The following CARMIL1 variants were observed in gnomAD, a reference collection of about 807,000 sequenced individuals.
The protein encoded by CARMIL1 is capping protein regulator and myosin 1 linker 1, also known as F-actin-uncapping protein LRRC16A.
In CARMIL1, 90 loss-of-function variants were observed where a neutral mutation model predicts 177.1. That is an observed-to-expected ratio of 0.51 (90% CI 0.43 to 0.61). The LOEUF (loss-of-function observed/expected upper bound fraction) is 0.61. Ranked by LOEUF, CARMIL1 falls within the 20% of genes least tolerant of loss-of-function variation. CARMIL1 has a pLI of 0.00. For missense variants in CARMIL1, 1,380 were observed against 1,667.0 expected (o/e 0.83, Z 3.00); for synonymous variants, 577 against 606.2 (o/e 0.95, Z 0.71).
intron 26 of CARMIL1, among the ~76,000 whole-genome samples, chr6:25,549,652 C>T (rs1809875835): frequency 1.3e-5 from 2 of 152,310 alleles, no homozygotes; most frequent in South Asian, 4.1e-4. Flanking sequence ...GCTGCTCACA[C>T]TGCAGTGCAA....
chr6:25,375,894 T>C (rs1008399114), intron 2 of CARMIL1, among the ~76,000 whole-genome samples: 4 of 152,210 alleles, frequency 2.6e-5, no homozygotes, highest in Non-Finnish European at 5.9e-5. Context: ...CTGTGAATTG[T>C]TTTTTCAATT....
rs1399500301 is a variant in CARMIL1 at position 25,495,207 on chromosome 6, G to A, written c.1317G>A (p.Glu439=). ...INLSGTKLSP[E]PLKALLLGLA... Reference sequence around the variant, plus strand: ...TTTCAGGCACAAAACTGTCTCCTGAGCCCTTAAAGTGAGTGGTTAATTCAC... The same window carrying A: ...TTTCAGGCACAAAACTGTCTCCTGAACCCTTAAAGTGAGTGGTTAATTCAC... Residue 439 remains glutamate (E), a synonymous_variant, in exon 16 of 37, where the codon GAG becomes GAA. Transcript: ENST00000329474. 6.2e-7 allele frequency: 1 copy of A among 1,605,686 alleles called. No homozygotes were observed. The highest frequency in any genetic ancestry group is 8.5e-7 in the Non-Finnish European group (1 of 1,175,628).
In CARMIL1 at chr6:25,472,468, C is replaced by T. The variant is rs1336731911; in HGVS notation, c.821C>T (p.Pro274Leu). 1 of 1,583,574 alleles carries T rather than the reference C, an allele frequency of 6.3e-7. No individual in the cohort carries two copies. Among genetic ancestry groups the T allele is most frequent in the Non-Finnish European group, 8.6e-7 (1 of 1,164,048 alleles). The change falls in exon 11 of 37, where the codon CCC becomes CTC. Residue 274 changes from proline (P) to leucine (L), a missense_variant. By Grantham distance (98) the Pro-to-Leu change is moderately conservative. Coordinates refer to ENST00000329474, the MANE Select transcript of CARMIL1 (RefSeq NM_017640.6). ...CTGGCCAGTGCTCTAGCACATAATC[C>T]CAACTCAGGACTCCACACAATTAAC... ...QKLASALAHN[P>L]NSGLHTINLA...
At chr6:25,357,388 C>G (rs1047047933) in intron 2 of CARMIL1, among the ~76,000 whole-genome samples, 4 of 152,062 alleles carry the variant, frequency 2.6e-5, no homozygotes, top group African/African-American at 9.7e-5. Flanking sequence ...TCGAGACCAC[C>G]CTGGCCAACA....
rs375496799 is a variant in CARMIL1 at position 25,520,253 on chromosome 6, A to G, written c.1884A>G (p.Thr628=). The stretch of plus-strand genomic sequence containing the variant: ...TTTCTCCTTTTTCTAGGAACTACAC[A>G]TTAAGATTTATGCCAATTCCTATGT... ...DIAVAMEKNY[T]LRFMPIPMYD... is the part of the protein sequence containing the mutation. The change falls in exon 23 of 37, where the codon ACA becomes ACG. Residue 628 remains threonine, a synonymous_variant. Coordinates refer to ENST00000329474, the MANE Select transcript of CARMIL1 (RefSeq NM_017640.6). The G allele has an allele frequency of 4.6e-6, 7 of 1,522,976 alleles. No individual in the cohort carries two copies. Among genetic ancestry groups the G allele is most frequent in the South Asian group, 1.2e-5 (1 of 81,478 alleles). The allele number at this position is 1,522,976 out of a possible 1,614,324, so 94.3% of individuals were successfully genotyped here. A position where few individuals can be genotyped will look rare whatever the true frequency, so the allele number is the denominator to read the frequency against.
chr6:25,558,850 A>G lies in CARMIL1; in HGVS notation c.2742+2000A>G, dbSNP rs1286266059. On this transcript the variant is annotated intron_variant, in intron 29 of 36. Transcript: ENST00000329474. The surrounding 1 kb of genome is among the most constrained non-coding windows in gnomAD (Gnocchi z 4.1). ...AGAAACACAAGAGCTCTTCATCAAA[A>G]AAAGAATATATAGGTAGGCATGAGT... Among the ~76,000 whole-genome samples, 1 of 152,164 alleles carries G rather than the reference A, an allele frequency of 6.6e-6. No homozygotes were observed. The highest frequency in any genetic ancestry group is 1.5e-5 in the Non-Finnish European group (1 of 68,028).
chr6:25,307,499 T>C (rs1045478778), intron 2 of CARMIL1, among the ~76,000 whole-genome samples: 3 of 152,216 alleles, frequency 2.0e-5, no homozygotes, highest in African/African-American at 7.2e-5. Context: ...TATTCTAAAG[T>C]ATTATTTTTA....
rs5875025 is a variant in CARMIL1 at position 25,296,935 on chromosome 6, T to TTAACTAAC, written c.138+12050_138+12057dup. Among the ~76,000 whole-genome samples the TTAACTAAC allele has an allele frequency of 3.4e-3, 463 of 136,436 alleles. 1 individual carries two copies. Among genetic ancestry groups the TTAACTAAC allele is most frequent in the East Asian group, 0.023 (110 of 4,728 alleles). The allele number at this position is 136,436 out of a possible 152,430, so 89.5% of individuals were successfully genotyped here. The stretch of plus-strand genomic sequence containing the variant: ...TATCTATCTATCTATCTATCTATCT[T>TTAACTAAC]TAACTAACTAACTAACTAACTAACT... On this transcript the variant is annotated intron_variant, in intron 2 of 36. Transcript: ENST00000329474.
chr6:25,521,433 T>C (rs1322430164), intron 23 of CARMIL1, among the ~76,000 whole-genome samples: 3 of 152,234 alleles, frequency 2.0e-5, no homozygotes, highest in Non-Finnish European at 2.9e-5. Context: ...GAGCAGCCTC[T>C]GTACCCTGGC....
Position 25,414,111 on chromosome 6 carries a change from A to G in CARMIL1, c.139-6003A>G, listed in dbSNP as rs141300990. On this transcript the variant is annotated intron_variant, in intron 2 of 36. Transcript: ENST00000329474. The stretch of plus-strand genomic sequence containing the variant: ...TATCTTATTTAATCCACACAACAGT[A>G]ACAGTCCTGCAGAGGAATATTCTTG... 9.7e-3 allele frequency among the ~76,000 whole-genome samples: 1,475 copies of G among 152,312 alleles called. 27 individuals carry two copies. The highest frequency in any genetic ancestry group is 0.033 in the African/African-American group (1,386 of 41,564).
chr6:25,606,444 C>T (rs742130), intron 35 of CARMIL1, among the ~76,000 whole-genome samples, 171 bp downstream of exon 35: 20,498 of 152,118 alleles, frequency 0.13, 1,771 homozygotes, highest in South Asian at 0.19. Context: ...TGAGAGCTGA[C>T]GGATTCTTTT....
At chr6:25,321,026 T>C (rs974501807) in intron 2 of CARMIL1, among the ~76,000 whole-genome samples, 1 of 152,198 alleles carries the variant, frequency 6.6e-6, no homozygotes, top group Non-Finnish European at 1.5e-5. Flanking sequence ...ATCTAGACTG[T>C]TCTGAACTAC....
chr6:25,323,095 G>T (rs930919821), intron 2 of CARMIL1, among the ~76,000 whole-genome samples: 31 of 152,186 alleles, frequency 2.0e-4, no homozygotes, highest in African/African-American at 6.5e-4. Context: ...CATTTGGAAG[G>T]TTTCTCTCTC....
chr6:25,544,404 T>TA (rs35493218), intron 26 of CARMIL1, among the ~76,000 whole-genome samples: 2 of 151,702 alleles, frequency 1.3e-5, no homozygotes, highest in East Asian at 3.9e-4. Flanking sequence ...GCTCTTTTTT[T>TA]AAAAAAAGAC....
intron 1 of CARMIL1, among the ~76,000 whole-genome samples, chr6:25,281,500 G>A (rs1781115149): frequency 6.6e-6 from 1 of 152,026 alleles, no homozygotes. Flanking sequence ...TGGAAATAAG[G>A]TGTCTGGGTT....
At chr6:25,390,565 G>C (rs1344940912) in intron 2 of CARMIL1, among the ~76,000 whole-genome samples, 1 of 151,498 alleles carries the variant, frequency 6.6e-6, no homozygotes, top group African/African-American at 2.4e-5. Context: ...CAAGCAATCT[G>C]CCTGCCTCAG....
intron 2 of CARMIL1, among the ~76,000 whole-genome samples, chr6:25,302,145 C>T (rs1399170968): frequency 3.3e-5 from 5 of 152,166 alleles, no homozygotes; most frequent in Admixed American, 3.3e-4. Flanking sequence ...TCGGCACTGA[C>T]CCTATCCAGT....
At chr6:25,520,376 A>G in intron 23 of CARMIL1, 39 bp downstream of exon 23, 1 of 1,110,664 alleles carries the variant, frequency 9.0e-7, no homozygotes, top group Non-Finnish European at 1.3e-6. Flanking sequence ...AGAAATTCAC[A>G]TTTGAATTGT....
rs1372538721 is a variant in CARMIL1, at chr6:25,556,551, AC to A, written c.2593-149del. ...GAAAGATAATAAAAGGAGGTAAGTT[AC>A]TGTACTGTGAATGTATTAAGAATTG... On this transcript the variant is annotated intron_variant, in intron 28 of 36. Coordinates refer to ENST00000329474, the MANE Select transcript of CARMIL1 (RefSeq NM_017640.6). 6.1e-5 allele frequency: 37 copies of A among 608,430 alleles called. No individual in the cohort carries two copies. The African/African-American group carries it at 6.5e-4, about 11-fold the overall frequency. 37.7% of individuals were successfully genotyped at this position (608,430 alleles called of 1,614,324 possible).
Sources: allele counts gnomAD v4.1 joint callset (sites outside exome capture counted in the v4.1 genomes callset), GRCh38; gene constraint gnomAD v4.1.1; non-coding constraint Gnocchi (gnomAD v3.1); transcripts MANE v1.5; gene names NCBI Gene and HGNC (gene_info 2026-07-23, HGNC 2026-07-21).